Variants in PDE12 observed in about 807,000 individuals in gnomAD.
PDE12 encodes phosphodiesterase 12.
PDE12 carries 26 observed loss-of-function variants against 45.4 expected under a neutral mutation model. The observed-to-expected ratio is 0.57, with a 90% CI of 0.42 to 0.79. The LOEUF is 0.79. Ranked by LOEUF, PDE12 falls within the 30% of genes least tolerant of loss-of-function variation. The pLI is 0.00. For missense variants in PDE12, 668 were observed against 790.0 expected (o/e 0.85, Z 1.85); for synonymous variants, 283 against 323.9 (o/e 0.87, Z 1.36).
chr3:57,570,219 G>GTTTTTTTTTTGTTTTTGTTT (rs2069824276), downstream of PDE12, among the ~76,000 whole-genome samples: 2 of 102,314 alleles, frequency 2.0e-5, no homozygotes, highest in African/African-American at 7.7e-5. Context: ...TTAATCCAGT[G>GTTTTTTTTTTGTTTTTGTTT]TTTTTTTTTT....
the PDE12 span, among the ~76,000 whole-genome samples, chr3:57,606,469 C>T: frequency 1.3e-5 from 2 of 152,052 alleles, no homozygotes; most frequent in Admixed American, 1.3e-4. Flanking sequence ...CCTATACTAC[C>T]AGAAATGTTA....
the PDE12 span, among the ~76,000 whole-genome samples, chr3:57,605,121 G>C: frequency 2.6e-5 from 4 of 152,168 alleles, no homozygotes; most frequent in African/African-American, 9.6e-5. Flanking sequence ...CAAATGCAGG[G>C]AGCTGGGAGA....
the PDE12 span, among the ~76,000 whole-genome samples, chr3:57,642,870 G>C: frequency 3.0e-4 from 45 of 152,132 alleles, no homozygotes; most frequent in Admixed American, 4.6e-4. Flanking sequence ...GCCAGGTGTG[G>C]TGGCAGGCGC....
At chr3:57,569,368 T>C (rs2069814041), downstream of PDE12, among the ~76,000 whole-genome samples, 1 of 152,048 alleles carries the variant, frequency 6.6e-6, no homozygotes, top group Non-Finnish European at 1.5e-5. Flanking sequence ...ATTATTATTA[T>C]TTTGAGACGG....
the PDE12 span, among the ~76,000 whole-genome samples, chr3:57,606,427 T>A: frequency 6.6e-6 from 1 of 152,140 alleles, no homozygotes. Flanking sequence ...CTTTCAGACA[T>A]GCAAAAGTTG....
At chr3:57,641,774 A>C in the PDE12 span, 8 of 1,562,300 alleles carry the variant, frequency 5.1e-6, no homozygotes, top group Admixed American at 1.1e-4. Flanking sequence ...AAAACAAAAT[A>C]AAAAAGGTGA....
chr3:57,558,676 G>A (rs926937895), intron 1 of PDE12, among the ~76,000 whole-genome samples: 3 of 150,710 alleles, frequency 2.0e-5, no homozygotes, highest in African/African-American at 7.3e-5. Flanking sequence ...GTAGAGACGG[G>A]GTTTGGGGTT....
At chr3:57,596,967 C>G in the PDE12 span, 1 of 1,267,900 alleles carries the variant, frequency 7.9e-7, no homozygotes, top group African/African-American at 1.5e-5. Flanking sequence ...ACCCGGCGCC[C>G]CTCCCCCACC....
the PDE12 span, among the ~76,000 whole-genome samples, chr3:57,621,112 T>C: frequency 0.39 from 58,712 of 151,964 alleles, 12,666 homozygotes; most frequent in South Asian, 0.56. Context: ...GGCATAAAGA[T>C]AGACATATAC....
At chr3:57,630,904 T>C in the PDE12 span, 8 of 1,612,354 alleles carry the variant, frequency 5.0e-6, no homozygotes, top group Non-Finnish European at 5.9e-6. Context: ...AGGACCCAAA[T>C]AGATTTGAAT....
chr3:57,610,406 A>G, the PDE12 span, among the ~76,000 whole-genome samples: 1 of 152,170 alleles, frequency 6.6e-6, no homozygotes, highest in East Asian at 1.9e-4. Flanking sequence ...AGGAGAAATA[A>G]ATAAAGGGTA....
the PDE12 span, chr3:57,597,155 T>G: frequency 6.2e-7 from 1 of 1,611,906 alleles, no homozygotes; most frequent in Non-Finnish European, 8.5e-7. Flanking sequence ...GTAGTGGCAC[T>G]TGTGATGGGC....
At chr3:57,598,020 G>A in the PDE12 span, 1 of 152,188 alleles carries the variant, frequency 6.6e-6, no homozygotes, top group South Asian at 2.1e-4. Flanking sequence ...GCTCCAACAC[G>A]TGTTCATCGG....
downstream of PDE12, among the ~76,000 whole-genome samples, chr3:57,568,344 A>C (rs948199552): frequency 9.2e-5 from 14 of 151,960 alleles, no homozygotes; most frequent in African/African-American, 3.4e-4. Context: ...AGTCCCAGCT[A>C]TGTGGGAGGC....
downstream of PDE12, among the ~76,000 whole-genome samples, chr3:57,570,228 T>G (rs1336851486): frequency 7.0e-6 from 1 of 143,864 alleles, no homozygotes; most frequent in Non-Finnish European, 1.5e-5. Context: ...TGTTTTTTTT[T>G]TTTTTTTTTT....
At chr3:57,583,293 CCT>C in the PDE12 span, among the ~76,000 whole-genome samples, 2 of 151,988 alleles carry the variant, frequency 1.3e-5, no homozygotes, top group African/African-American at 2.4e-5. Flanking sequence ...GATTATATCC[CCT>C]GATATTCTGA....
the PDE12 span, among the ~76,000 whole-genome samples, chr3:57,631,341 C>T: frequency 1.3e-5 from 2 of 152,098 alleles, no homozygotes; most frequent in Non-Finnish European, 2.9e-5. Flanking sequence ...GGATTACAGG[C>T]GTGCGCCACC....
the PDE12 span, among the ~76,000 whole-genome samples, chr3:57,638,969 G>A: frequency 2.6e-5 from 4 of 152,010 alleles, no homozygotes; most frequent in Non-Finnish European, 5.9e-5. Context: ...GTGGTGGCGT[G>A]CACCTGTACT....
At chr3:57,631,061 G>C in the PDE12 span, 7 of 1,317,790 alleles carry the variant, frequency 5.3e-6, no homozygotes, top group Non-Finnish European at 5.3e-6. Context: ...GGTCTTTTAA[G>C]TTTTTAATCA....
Sources: allele counts gnomAD v4.1 joint callset (sites outside exome capture counted in the v4.1 genomes callset), GRCh38; gene constraint gnomAD v4.1.1; transcripts MANE v1.5; gene names NCBI Gene and HGNC (gene_info 2026-07-23, HGNC 2026-07-21).